The following TNNI3K variants were observed in gnomAD, a reference collection of about 807,000 sequenced individuals.
TNNI3K encodes TNNI3 interacting kinase.
TNNI3K carries 140 observed loss-of-function variants against 114.5 expected under a neutral mutation model. That is an observed-to-expected ratio of 1.22 (90% CI 1.07 to 1.41). TNNI3K has a LOEUF of 1.41. Ranked by LOEUF, TNNI3K falls within the 40% of genes most tolerant of loss-of-function variation. The pLI is 0.00. For synonymous variants in TNNI3K, 347 were observed against 347.5 expected (o/e 1.00, Z 0.02); for missense variants, 1,125 against 1,007.6 (o/e 1.12, Z -1.58).
rs553842551 is a variant in TNNI3K, at chr1:74,505,122, C to A, written c.2351+12856C>A. ...ACACAAAGGAGGGCCCGGGCCCACTCTTAAGCACATCAAAGCACACAGATC... is the reference window on the plus strand; with the variant it reads ...ACACAAAGGAGGGCCCGGGCCCACTATTAAGCACATCAAAGCACACAGATC... On this transcript the variant is annotated intron_variant, in intron 23 of 24. Transcript: ENST00000326637. Among the ~76,000 whole-genome samples, 105 of 152,334 alleles carry A rather than the reference C, an allele frequency of 6.9e-4. 1 individual carries two copies. The highest frequency in any genetic ancestry group is 2.5e-3 in the African/African-American group (102 of 41,572).
chr1:74,370,447 G>T, intron 17 of TNNI3K, 55 bp downstream of exon 17: 1 of 1,493,924 alleles, frequency 6.7e-7, no homozygotes, highest in Middle Eastern at 1.8e-4. Flanking sequence ...GGGAGTTTAA[G>T]ACAGATTTCA....
intron 5 of TNNI3K, among the ~76,000 whole-genome samples, chr1:74,300,036 A>G (rs1658225192): frequency 6.6e-6 from 1 of 152,124 alleles, no homozygotes; most frequent in African/African-American, 2.4e-5. Flanking sequence ...AATCCTATAT[A>G]TTTGCGTCTA....
At chr1:74,339,578 G>A (rs1419294158) in intron 7 of TNNI3K, among the ~76,000 whole-genome samples, 2 of 152,010 alleles carry the variant, frequency 1.3e-5, no homozygotes. Flanking sequence ...ATGTTTCCAT[G>A]GTAACAGAAT....
At chr1:74,288,583 CAG>C (rs937019456) in intron 5 of TNNI3K, among the ~76,000 whole-genome samples, 1 of 152,016 alleles carries the variant, frequency 6.6e-6, no homozygotes. Context: ...ATTACAGAAG[CAG>C]AGAGTAGAAT....
At chr1:74,510,926 C>T (rs556243887) in intron 23 of TNNI3K, among the ~76,000 whole-genome samples, 2 of 152,180 alleles carry the variant, frequency 1.3e-5, no homozygotes, top group Non-Finnish European at 2.9e-5. Flanking sequence ...TCACTCTTGT[C>T]CCCCAGGCTG....
At chr1:74,490,937 T>A (rs1669037551) in intron 22 of TNNI3K, among the ~76,000 whole-genome samples, 1 of 152,170 alleles carries the variant, frequency 6.6e-6, no homozygotes, top group Non-Finnish European at 1.5e-5. Context: ...CTTAGGAGCA[T>A]CATGAATGCT....
intron 2 of TNNI3K, among the ~76,000 whole-genome samples, chr1:74,244,861 T>G (rs1417277189): frequency 6.6e-6 from 1 of 152,032 alleles, no homozygotes; most frequent in African/African-American, 2.4e-5. Flanking sequence ...GTGATTTTCA[T>G]CTCAACTTTA....
intron 5 of TNNI3K, among the ~76,000 whole-genome samples, chr1:74,299,495 A>G (rs112931882): frequency 1.3e-5 from 2 of 152,262 alleles, no homozygotes; most frequent in African/African-American, 2.4e-5. Context: ...TGTAGCACAG[A>G]TGAAGCCACC....
chr1:74,513,035 C>A (rs1171828588), intron 23 of TNNI3K, among the ~76,000 whole-genome samples: 2 of 152,172 alleles, frequency 1.3e-5, no homozygotes, highest in Non-Finnish European at 2.9e-5. Flanking sequence ...AGTCTTGACT[C>A]TTTAAAGTTG....
At chr1:74,457,764 C>G (rs2100711035) in intron 20 of TNNI3K, among the ~76,000 whole-genome samples, 1 of 152,098 alleles carries the variant, frequency 6.6e-6, no homozygotes, top group East Asian at 1.9e-4. Context: ...GATTGAGAAT[C>G]TAATACTAAC....
At chr1:74,466,117 C>T (rs1227622033) in intron 21 of TNNI3K, among the ~76,000 whole-genome samples, 3 of 152,124 alleles carry the variant, frequency 2.0e-5, no homozygotes, top group East Asian at 1.9e-4. Context: ...GAAGAAACTC[C>T]GGACATATCT....
At chr1:74,507,223 ACC>A (rs36051033) in intron 23 of TNNI3K, among the ~76,000 whole-genome samples, 20 of 120,328 alleles carry the variant, frequency 1.7e-4, no homozygotes, top group African/African-American at 5.8e-4. Flanking sequence ...AAATTTCTTC[ACC>A]CCCCCCCCAT....
intron 5 of TNNI3K, among the ~76,000 whole-genome samples, chr1:74,276,538 C>A (rs376456088): frequency 6.6e-6 from 1 of 152,064 alleles, no homozygotes; most frequent in Non-Finnish European, 1.5e-5. Flanking sequence ...AAACACACAT[C>A]GAGTATTTCC....
chr1:74,271,002 A>G (rs1656309565), intron 4 of TNNI3K, among the ~76,000 whole-genome samples: 1 of 151,814 alleles, frequency 6.6e-6, no homozygotes, highest in African/African-American at 2.4e-5. Flanking sequence ...GGCTCAAATA[A>G]TAGTTCTAAC....
intron 5 of TNNI3K, among the ~76,000 whole-genome samples, chr1:74,307,839 T>G (rs1658741873): frequency 6.6e-6 from 1 of 152,068 alleles, no homozygotes; most frequent in Non-Finnish European, 1.5e-5. Flanking sequence ...AGCACATGCC[T>G]GTAATCCCAG....
At chr1:74,421,424 T>A (rs781420291) in intron 17 of TNNI3K, among the ~76,000 whole-genome samples, 3 of 152,102 alleles carry the variant, frequency 2.0e-5, no homozygotes, top group Non-Finnish European at 4.4e-5. Flanking sequence ...TTTACAATAA[T>A]CTGGCAAGGT....
At chr1:74,266,252 C>T (rs1655978511) in intron 4 of TNNI3K, among the ~76,000 whole-genome samples, 1 of 152,010 alleles carries the variant, frequency 6.6e-6, no homozygotes, top group Admixed American at 6.6e-5. Flanking sequence ...TAAGGCTGGA[C>T]TTAGCTAGAA....
At chr1:74,454,527 A>G (rs1323029463) in intron 20 of TNNI3K, among the ~76,000 whole-genome samples, 1 of 152,112 alleles carries the variant, frequency 6.6e-6, no homozygotes, top group Non-Finnish European at 1.5e-5. Flanking sequence ...AGTTCCATCC[A>G]TGTTGTTGCA....
At chr1:74,349,980 G>A (rs889225031) in intron 9 of TNNI3K, among the ~76,000 whole-genome samples, 1 of 152,080 alleles carries the variant, frequency 6.6e-6, no homozygotes, top group African/African-American at 2.4e-5. Flanking sequence ...CTGCAGTTCT[G>A]CTCTGATCTT....
Sources: allele counts gnomAD v4.1 joint callset (sites outside exome capture counted in the v4.1 genomes callset), GRCh38; gene constraint gnomAD v4.1.1; transcripts MANE v1.5; gene names NCBI Gene and HGNC (gene_info 2026-07-23, HGNC 2026-07-21).